Variants in PAG1 observed in about 807,000 individuals in gnomAD.
PAG1 encodes the protein phosphoprotein associated with glycosphingolipid-enriched microdomains 1.
PAG1 carries 23 observed loss-of-function variants against 31.7 expected under a neutral mutation model. That is an observed-to-expected ratio of 0.73 (90% CI 0.52 to 1.03). PAG1 has a LOEUF of 1.03. Ranked by LOEUF, PAG1 falls within the 50% of genes least tolerant of loss-of-function variation. The pLI, the probability that PAG1 is intolerant of heterozygous loss-of-function variation, is 0.00. For missense variants in PAG1, 473 were observed against 540.7 expected, an observed-to-expected ratio of 0.87 and a Z score of 1.24; for synonymous variants, 214 against 210.3, an observed-to-expected ratio of 1.02 and a Z score of -0.15.
At chr8:81,101,684 A>T (rs1327786517) in intron 1 of PAG1, among the ~76,000 whole-genome samples, 3 of 152,172 alleles carry the variant, frequency 2.0e-5, no homozygotes, top group African/African-American at 7.2e-5. Context: ...AGTATTAAGC[A>T]TGTAATTCCT....
intron 3 of PAG1, among the ~76,000 whole-genome samples, chr8:81,028,847 T>C (rs1808329388): frequency 6.6e-6 from 1 of 152,186 alleles, no homozygotes; most frequent in South Asian, 2.1e-4. Context: ...AATTCTCCTC[T>C]AATGTACAGC....
At chr8:80,989,480 C>T (rs779472352) in intron 5 of PAG1, among the ~76,000 whole-genome samples, 21 of 152,226 alleles carry the variant, frequency 1.4e-4, no homozygotes, top group African/African-American at 3.1e-4. Context: ...GCTGGGTGGG[C>T]GAGCGTGTGT....
In PAG1 at chr8:80,976,496, C is replaced by T. The variant is rs749092141; in HGVS notation, c.*48G>A. 10 of 1,537,476 alleles carry T rather than the reference C, an allele frequency of 6.5e-6. No individual in the cohort carries two copies. In the African/African-American group the frequency reaches 6.9e-5, roughly 11 times the overall value. ...CACTTCTTCTCTTCCACAGAAGAAA[C>T]GTCTCCAGACACTGATCACAGGCTA... On this transcript the variant is annotated 3_prime_UTR_variant, in exon 9 of 9. Transcript: ENST00000220597.
chr8:80,983,330 T>A (rs904432534), intron 7 of PAG1, among the ~76,000 whole-genome samples: 4 of 152,216 alleles, frequency 2.6e-5, no homozygotes, highest in Admixed American at 6.5e-5. Context: ...CCCACCTGTT[T>A]TCTCAGTTCC....
intron 2 of PAG1, among the ~76,000 whole-genome samples, chr8:81,038,712 T>C (rs975983487): frequency 2.6e-5 from 4 of 152,158 alleles, no homozygotes; most frequent in African/African-American, 7.2e-5. Context: ...ACTTCAATCT[T>C]AGACTTTCAA....
intron 3 of PAG1, among the ~76,000 whole-genome samples, chr8:81,019,881 C>G (rs1808132939): frequency 6.6e-6 from 1 of 152,188 alleles, no homozygotes; most frequent in South Asian, 2.1e-4. Flanking sequence ...CACAGACACT[C>G]AACACCAGCC....
chr8:81,057,991 TA>T (rs1282597076), intron 2 of PAG1, among the ~76,000 whole-genome samples: 1 of 152,144 alleles, frequency 6.6e-6, no homozygotes, highest in Non-Finnish European at 1.5e-5. Context: ...TATTTACTGA[TA>T]ACAGTAAATA....
rs1039452073 is a variant in PAG1 at position 81,029,261 on chromosome 8, C to G, written c.-81+735G>C. 4.6e-5 allele frequency among the ~76,000 whole-genome samples: 7 copies of G among 152,184 alleles called. No individual in the cohort carries two copies. In the South Asian group the frequency reaches 1.5e-3, roughly 32 times the overall value. ...CAGCTGCTTCTGTTAAGCCTTTATT[C>G]CCACTAAGCTCATGATTCACAAAGA... On this transcript the variant is annotated intron_variant, in intron 3 of 8. Coordinates refer to ENST00000220597, the MANE Select transcript of PAG1 (RefSeq NM_018440.4).
rs1808352475 is a variant in PAG1, at chr8:81,029,982, A to T, written c.-81+14T>A. 6.6e-6 allele frequency: 1 copy of T among 152,280 alleles called. No individual in the cohort carries two copies. Among genetic ancestry groups the T allele is most frequent in the Non-Finnish European group, 1.5e-5 (1 of 68,058 alleles). The allele number at this position is 152,280 out of a possible 1,614,324, so 9.4% of individuals were successfully genotyped here. A position where few individuals can be genotyped will look rare whatever the true frequency, so the allele number is the denominator to read the frequency against. ...AGTGATGTGTCCCTTTATTGGTACA[A>T]TGGTAATATTTACCTTGGAGGAAAT... On this transcript the variant is annotated intron_variant, in intron 3 of 8. Transcript: ENST00000220597.
At position 81,026,262 on chromosome 8, in the gene PAG1, C is replaced by T. The variant is rs139208319; in HGVS notation, c.-81+3734G>A. 3.0e-3 allele frequency among the ~76,000 whole-genome samples: 448 copies of T among 151,646 alleles called. 1 individual carries two copies. Among genetic ancestry groups the T allele is most frequent in the African/African-American group, 9.8e-3 (404 of 41,258 alleles). On this transcript the variant is annotated intron_variant, in intron 3 of 8. Coordinates refer to ENST00000220597, the MANE Select transcript of PAG1 (RefSeq NM_018440.4). ...ACTCAGGAGGCTGAGGCACGAGAAT[C>T]GCTTGAACCTGGGAAGCAGAGGTTT...
At chr8:81,104,381 TC>T (rs1232182913) in intron 1 of PAG1, among the ~76,000 whole-genome samples, 18 of 118,340 alleles carry the variant, frequency 1.5e-4, no homozygotes, top group African/African-American at 5.6e-4. Flanking sequence ...ACCTTGGCCT[TC>T]GTCCTTTTTT....
Position 80,972,822 on chromosome 8 carries a change from T to C in PAG1, c.*3722A>G, listed in dbSNP as rs936545424. On this transcript the variant is annotated 3_prime_UTR_variant, in exon 9 of 9. Coordinates refer to ENST00000220597, the MANE Select transcript of PAG1 (RefSeq NM_018440.4). ...GAAAAACTGTTCCTTCTAATTCTGC[T>C]TTTCCAACAAAAGTTCATCACACTA... 1.4e-4 allele frequency: 21 copies of C among 152,256 alleles called. No individual in the cohort carries two copies. The highest frequency in any genetic ancestry group is 5.9e-4 in the Admixed American group (9 of 15,284). 9.4% of individuals were successfully genotyped at this position (152,256 alleles called of 1,614,324 possible).
Position 80,997,993 on chromosome 8 carries a change from A to G in PAG1, c.-80-4686T>C, listed in dbSNP as rs1172505025. Among the ~76,000 whole-genome samples the G allele has an allele frequency of 2.0e-5, 3 of 152,180 alleles. No homozygotes were observed. In the South Asian group the frequency reaches 6.2e-4, roughly 31 times the overall value. On this transcript the variant is annotated intron_variant, in intron 3 of 8. Coordinates refer to ENST00000220597, the MANE Select transcript of PAG1 (RefSeq NM_018440.4). ...GGACTTTCATTGGGGATTCTTTCAA[A>G]GATTTATCTCATTAATTATTTTGGA...
At chr8:81,007,969 A>C (rs1200139844) in intron 3 of PAG1, among the ~76,000 whole-genome samples, 1 of 152,210 alleles carries the variant, frequency 6.6e-6, no homozygotes, top group Non-Finnish European at 1.5e-5. Context: ...CAGGACAAGA[A>C]GATGTGTTTT....
intron 2 of PAG1, among the ~76,000 whole-genome samples, chr8:81,047,064 T>C (rs1808653792): frequency 6.6e-6 from 1 of 152,246 alleles, no homozygotes; most frequent in Non-Finnish European, 1.5e-5. Context: ...ATGGTGCATA[T>C]GTACCATATT....
chr8:80,998,481 A>C (rs1370737799), intron 3 of PAG1, among the ~76,000 whole-genome samples: 1 of 152,092 alleles, frequency 6.6e-6, no homozygotes, highest in Non-Finnish European at 1.5e-5. Flanking sequence ...TCTCAGCCCT[A>C]TGCAGCACTT....
At chr8:81,035,435 G>A (rs535308918) in intron 2 of PAG1, among the ~76,000 whole-genome samples, 7 of 152,210 alleles carry the variant, frequency 4.6e-5, no homozygotes. Flanking sequence ...TGTTCACTGG[G>A]GCAATAACAT....
At chr8:81,047,411 T>C (rs1808659497) in intron 2 of PAG1, among the ~76,000 whole-genome samples, 1 of 152,250 alleles carries the variant, frequency 6.6e-6, no homozygotes, top group African/African-American at 2.4e-5. Flanking sequence ...TATCTCATTG[T>C]GGTTTTGATT....
intron 2 of PAG1, among the ~76,000 whole-genome samples, chr8:81,041,186 T>C (rs1297235423): frequency 2.6e-5 from 4 of 151,904 alleles, no homozygotes; most frequent in Non-Finnish European, 5.9e-5. Flanking sequence ...CTCCACCCTG[T>C]GGAATCACAT....
Sources: allele counts gnomAD v4.1 joint callset (sites outside exome capture counted in the v4.1 genomes callset), GRCh38; gene constraint gnomAD v4.1.1; transcripts MANE v1.5; gene names NCBI Gene and HGNC (gene_info 2026-07-23, HGNC 2026-07-21).